DNAH11: variants seen among roughly 807,000 people sequenced by gnomAD.
DNAH11 encodes the protein dynein axonemal heavy chain 11, also known as axonemal beta dynein heavy chain 11.
A neutral mutation model predicts 526.0 loss-of-function variants in DNAH11; 442 were observed. The ratio of observed to expected loss-of-function variants is 0.84; its 90% CI spans 0.78 to 0.91. The LOEUF is 0.91. Among genes scored for constraint, DNAH11 ranks in the 40% least tolerant of loss-of-function variants. The pLI is 0.00. For synonymous variants in DNAH11, 2,461 were observed against 1,935.9 expected (o/e 1.27, Z -7.12); for missense variants, 6,989 against 5,448.7 (o/e 1.28, Z -8.90).
At chr7:21,824,374 A>G (rs1030050427) in intron 65 of DNAH11, among the ~76,000 whole-genome samples, 3 of 152,182 alleles carry the variant, frequency 2.0e-5, no homozygotes, top group Non-Finnish European at 4.4e-5. Context: ...GGAATGATGT[A>G]TCAGTTCCAT....
At chr7:21,803,564 T>G (rs1011950) in intron 62 of DNAH11, among the ~76,000 whole-genome samples, 2 of 149,704 alleles carry the variant, frequency 1.3e-5, no homozygotes, top group African/African-American at 4.9e-5. Context: ...TAGTCAGAAC[T>G]AGATAAACTG....
Position 21,698,002 on chromosome 7 carries a change from A to T in DNAH11, c.6042-73A>T, listed in dbSNP as rs372117133. On this transcript the variant is annotated intron_variant, in intron 35 of 81. Coordinates refer to ENST00000409508, the MANE Select transcript of DNAH11 (RefSeq NM_001277115.2). ...ATGGTTAAAATGTTGGTACGAAATA[A>T]CCACTTGATTTCAGCAATTTGTACT... is the stretch of plus-strand genomic sequence containing the variant. 3.5e-5 allele frequency: 51 copies of T among 1,466,524 alleles called. 1 individual carries two copies. The East Asian group carries it at 6.6e-4, about 19-fold the overall frequency. 90.8% of individuals were successfully genotyped at this position (1,466,524 alleles called of 1,614,324 possible). A position where few individuals can be genotyped will look rare whatever the true frequency, so the allele number is the denominator to read the frequency against.
At position 21,550,031 on chromosome 7, in the gene DNAH11, T is replaced by C. The variant is rs115030417; in HGVS notation, c.495+4882T>C. 3.4e-3 allele frequency among the ~76,000 whole-genome samples: 513 copies of C among 152,324 alleles called. 3 individuals are homozygous for C. The highest frequency in any genetic ancestry group is 0.012 in the African/African-American group (497 of 41,576). On this transcript the variant is annotated intron_variant, in intron 2 of 81. Coordinates refer to ENST00000409508, the MANE Select transcript of DNAH11 (RefSeq NM_001277115.2). ...TGTATAGTAGCCCATCCCAGCCATA[T>C]TAACTTCCAAAATGGAGCCAGCCCA...
rs534851733 is a variant in DNAH11 at position 21,628,533 on chromosome 7, A to G, written c.4501-7338A>G. On this transcript the variant is annotated intron_variant, in intron 25 of 81. Transcript: ENST00000409508. Reference sequence around the variant, plus strand: ...GAATTTTATCAAATGTCTTTTTGAAATTTGTTAAAATAATCATATGGTTTT... The same window carrying G: ...GAATTTTATCAAATGTCTTTTTGAAGTTTGTTAAAATAATCATATGGTTTT... Among the ~76,000 whole-genome samples the G allele has an allele frequency of 2.0e-5, 3 of 152,260 alleles. No individual in the cohort carries two copies. In the East Asian group the frequency reaches 5.8e-4, roughly 29 times the overall value.
At chr7:21,774,933 T>C (rs530353571) in intron 56 of DNAH11, among the ~76,000 whole-genome samples, 1 of 152,284 alleles carries the variant, frequency 6.6e-6, no homozygotes, top group South Asian at 2.1e-4. Flanking sequence ...GACTCTCATA[T>C]GCTTTACAAG....
chr7:21,600,532 A>T, intron 15 of DNAH11, 144 bp from the exon 16 acceptor site: 8 of 986,988 alleles, frequency 8.1e-6, no homozygotes, highest in Non-Finnish European at 1.1e-5. Context: ...GCACAGGGAA[A>T]AGAGAAGTTG....
chr7:21,547,339 C>G (rs1001981951), intron 2 of DNAH11, among the ~76,000 whole-genome samples: 14 of 152,142 alleles, frequency 9.2e-5, no homozygotes, highest in Admixed American at 7.2e-4. Flanking sequence ...ATTTATCCTT[C>G]CAAACCCAAA....
rs781316164 is a variant in DNAH11, at chr7:21,842,701, C to A, written c.10849C>A (p.Leu3617Met). 2 of 1,613,538 alleles carry A rather than the reference C, an allele frequency of 1.2e-6. No individual in the cohort carries two copies. Among genetic ancestry groups the A allele is most frequent in the Non-Finnish European group, 1.7e-6 (2 of 1,179,694 alleles). Residue 3617 changes from leucine to methionine, a missense_variant, in exon 66 of 82, where the codon CTG becomes ATG. Coordinates refer to ENST00000409508, the MANE Select transcript of DNAH11 (RefSeq NM_001277115.2). ...VTEDGLEAQL[L>M]AEVVSIERPD... ...AGAAGATGGTCTAGAAGCCCAGCTG[C>A]TGGCAGAGGTTGTCAGTATTGAAAG...
intron 63 of DNAH11, among the ~76,000 whole-genome samples, chr7:21,810,769 A>C (rs1279490301): frequency 6.6e-6 from 1 of 152,152 alleles, no homozygotes; most frequent in Non-Finnish European, 1.5e-5. Context: ...AAAGGAGGTG[A>C]GGAAAGTCAA....
intron 2 of DNAH11, among the ~76,000 whole-genome samples, chr7:21,556,357 A>G (rs1173568362): frequency 1.3e-5 from 2 of 152,224 alleles, no homozygotes; most frequent in East Asian, 1.9e-4. Flanking sequence ...AGAATAGTAA[A>G]TAGAGTGAAG....
chr7:21,657,132 C>A (rs1400001842), intron 29 of DNAH11, among the ~76,000 whole-genome samples: 3 of 152,070 alleles, frequency 2.0e-5, no homozygotes, highest in Non-Finnish European at 2.9e-5. Flanking sequence ...ACAAATTCAC[C>A]CTCTAATTGC....
Position 21,893,894 on chromosome 7 carries a change from T to C in DNAH11, c.12751-729T>C, listed in dbSNP as rs1784414746. 1.3e-5 allele frequency among the ~76,000 whole-genome samples: 2 copies of C among 152,226 alleles called. 1 individual carries two copies. The highest frequency in any genetic ancestry group is 4.8e-5 in the African/African-American group (2 of 41,454). Reference sequence around the variant, plus strand: ...GGGTTATGTGACTTTTATTCTATTTTATTTTTTATTTTTTGAGACAGTTTC... The same window carrying C: ...GGGTTATGTGACTTTTATTCTATTTCATTTTTTATTTTTTGAGACAGTTTC... On this transcript the variant is annotated intron_variant, in intron 77 of 81. Coordinates refer to ENST00000409508, the MANE Select transcript of DNAH11 (RefSeq NM_001277115.2).
rs370815588 is a variant in DNAH11, at chr7:21,787,337, T to C, written c.9742-64T>C. 6.3e-5 allele frequency: 95 copies of C among 1,509,248 alleles called. 1 individual carries two copies. In the African/African-American group the frequency reaches 1.0e-3, roughly 16 times the overall value. 93.5% of individuals were successfully genotyped at this position (1,509,248 alleles called of 1,614,324 possible). ...GAGTCCTAAAAGCTGATTTTAACTTTTGATCTTGGAATTTTCTCTGCAGCC... is the reference window on the plus strand; with the variant it reads ...GAGTCCTAAAAGCTGATTTTAACTTCTGATCTTGGAATTTTCTCTGCAGCC... On this transcript the variant is annotated intron_variant, in intron 59 of 81. Transcript: ENST00000409508.
intron 20 of DNAH11, among the ~76,000 whole-genome samples, chr7:21,610,013 G>T (rs1976885): frequency 6.6e-6 from 1 of 151,894 alleles, no homozygotes. Flanking sequence ...CCAGCACTTT[G>T]GGAGGCTGAG....
rs573753719 is a variant in DNAH11, at chr7:21,735,589, C to A, written c.7441-51C>A. The A allele has an allele frequency of 4.0e-6, 6 of 1,514,176 alleles. No individual in the cohort carries two copies. In the African/African-American group the frequency reaches 5.5e-5, roughly 14 times the overall value. The allele number at this position is 1,514,176 out of a possible 1,614,324, so 93.8% of individuals were successfully genotyped here. A position where few individuals can be genotyped will look rare whatever the true frequency, so the allele number is the denominator to read the frequency against. On this transcript the variant is annotated intron_variant, in intron 45 of 81. Coordinates refer to ENST00000409508, the MANE Select transcript of DNAH11 (RefSeq NM_001277115.2). Reference sequence around the variant, plus strand: ...AATTTTGGAATGCCTCTCTCTCGCACGCACTCTCTCTCTCTTTCTGATCTT... The same window carrying A: ...AATTTTGGAATGCCTCTCTCTCGCAAGCACTCTCTCTCTCTTTCTGATCTT...
At chr7:21,572,543 A>C (rs1348099245) in intron 8 of DNAH11, among the ~76,000 whole-genome samples, 11 of 152,198 alleles carry the variant, frequency 7.2e-5, no homozygotes, top group Non-Finnish European at 1.3e-4. Context: ...GCATCCCTGC[A>C]GTTCTAGGAT....
At chr7:21,896,391 A>G (rs368158660) in intron 79 of DNAH11, among the ~76,000 whole-genome samples, 2 of 152,266 alleles carry the variant, frequency 1.3e-5, no homozygotes, top group East Asian at 3.9e-4. Flanking sequence ...TTTTTCCTTC[A>G]GCACTTTGAT....
At chr7:21,794,608 A>C (rs75749493) in intron 61 of DNAH11, among the ~76,000 whole-genome samples, 11 of 152,152 alleles carry the variant, frequency 7.2e-5, no homozygotes, top group Non-Finnish European at 1.6e-4. Context: ...CAGAAGACCC[A>C]TGGAGTGTGC....
chr7:21,677,330 G>A (rs1036956768), intron 30 of DNAH11, among the ~76,000 whole-genome samples: 1 of 150,632 alleles, frequency 6.6e-6, no homozygotes, highest in Non-Finnish European at 1.5e-5. Flanking sequence ...CATAATTCTT[G>A]GAATATTTAA....
Sources: allele counts gnomAD v4.1 joint callset (sites outside exome capture counted in the v4.1 genomes callset), GRCh38; gene constraint gnomAD v4.1.1; transcripts MANE v1.5; gene names NCBI Gene and HGNC (gene_info 2026-07-23, HGNC 2026-07-21).